The following CNTLN variants were observed in gnomAD, a reference collection of about 807,000 sequenced individuals.
CNTLN encodes the protein centlein, centrosomal protein.
CNTLN carries 212 observed loss-of-function variants against 180.0 expected under a neutral mutation model. That is an observed-to-expected ratio of 1.18 (90% CI 1.05 to 1.32). The LOEUF is 1.32. CNTLN is among the 40% of genes most tolerant of loss of function. The pLI is 0.00. For synonymous variants in CNTLN, 722 were observed against 563.1 expected (o/e 1.28, Z -3.99); for missense variants, 2,095 against 1,610.9 (o/e 1.30, Z -5.14).
rs753393494 is a variant in CNTLN, at chr9:17,409,331, C to A, written c.2654C>A (p.Thr885Lys). 4.3e-6 allele frequency: 7 copies of A among 1,612,792 alleles called. No individual in the cohort carries two copies. The Middle Eastern group carries it at 9.9e-4, about 228-fold the overall frequency. ...GCACAGACCTCTCAAACTTTGGGAA[C>A]AATTATTGTAGAAACATCCCAGAAA... The part of the protein sequence containing the change: ...SEAQTSQTLG[T>K]IIVETSQKIS... Residue 885 changes from threonine to lysine, a missense_variant, in exon 16 of 26, where the codon ACA becomes AAA. Transcript: ENST00000380647.
At chr9:17,421,311 A>G (rs1348514304) in intron 18 of CNTLN, among the ~76,000 whole-genome samples, 1 of 152,104 alleles carries the variant, frequency 6.6e-6, no homozygotes, top group Non-Finnish European at 1.5e-5. Context: ...CCCCTTTATC[A>G]TTATATAATG....
chr9:17,211,729 T>C (rs1359017104), intron 2 of CNTLN, among the ~76,000 whole-genome samples: 3 of 152,088 alleles, frequency 2.0e-5, no homozygotes, highest in Non-Finnish European at 4.4e-5. Context: ...CTTTTATTTT[T>C]TTGAGCAGTG....
chr9:17,417,394 A>G (rs1239320381), intron 18 of CNTLN, among the ~76,000 whole-genome samples: 1 of 152,002 alleles, frequency 6.6e-6, no homozygotes, highest in Non-Finnish European at 1.5e-5. Flanking sequence ...ATTATAAACT[A>G]TCTGTATTCC....
chr9:17,221,477 A>G (rs1211371437), intron 2 of CNTLN, among the ~76,000 whole-genome samples: 2 of 152,126 alleles, frequency 1.3e-5, no homozygotes, highest in African/African-American at 4.8e-5. Flanking sequence ...ACGTATGGTA[A>G]GTAGACAACA....
chr9:17,194,594 A>G (rs10962898), intron 2 of CNTLN, among the ~76,000 whole-genome samples: 50,573 of 151,962 alleles, frequency 0.33, 10,988 homozygotes, highest in African/African-American at 0.61. Flanking sequence ...CAGCATTTTG[A>G]TCAATGCCAT....
At chr9:17,246,274 C>T (rs74729391) in intron 5 of CNTLN, among the ~76,000 whole-genome samples, 2,739 of 152,254 alleles carry the variant, frequency 0.018, 94 homozygotes, top group African/African-American at 0.062. Flanking sequence ...CCGTAAGCCC[C>T]GTAACACTGT....
the CNTLN span, among the ~76,000 whole-genome samples, chr9:17,526,746 T>A: frequency 5.2e-5 from 2 of 38,406 alleles, no homozygotes; most frequent in Admixed American, 5.4e-4. Flanking sequence ...TGTAAAAAAA[T>A]TAATTAATTT....
intron 12 of CNTLN, among the ~76,000 whole-genome samples, chr9:17,347,157 T>C (rs1255369013): frequency 6.6e-6 from 1 of 152,248 alleles, no homozygotes; most frequent in African/African-American, 2.4e-5. Flanking sequence ...ATTTTAATCA[T>C]GGCTGGTTTA....
intron 11 of CNTLN, among the ~76,000 whole-genome samples, chr9:17,341,908 A>G (rs1019358401): frequency 6.6e-5 from 10 of 152,162 alleles, no homozygotes; most frequent in African/African-American, 2.4e-4. Context: ...ACTTTCTGAC[A>G]TATTCACTGG....
chr9:17,364,494 A>G (rs1259391844), intron 12 of CNTLN, among the ~76,000 whole-genome samples: 1 of 151,668 alleles, frequency 6.6e-6, no homozygotes, highest in Non-Finnish European at 1.5e-5. Flanking sequence ...TGTTTCATAA[A>G]CCCCTGTTCT....
intron 18 of CNTLN, among the ~76,000 whole-genome samples, chr9:17,427,151 C>T (rs1474633033): frequency 6.6e-6 from 1 of 152,130 alleles, no homozygotes; most frequent in Non-Finnish European, 1.5e-5. Context: ...CCTGCTCCCA[C>T]AATTCCTGAA....
At chr9:17,375,872 G>A (rs906359012) in intron 13 of CNTLN, among the ~76,000 whole-genome samples, 2 of 152,108 alleles carry the variant, frequency 1.3e-5, no homozygotes. Context: ...ACTATATTTC[G>A]TATATAACTT....
intron 13 of CNTLN, among the ~76,000 whole-genome samples, chr9:17,377,771 G>T (rs1209326175): frequency 1.3e-5 from 2 of 152,150 alleles, no homozygotes; most frequent in African/African-American, 4.8e-5. Flanking sequence ...GTGTTACAGA[G>T]AGGTGTCTGA....
At chr9:17,301,928 AATC>A in intron 7 of CNTLN, 1 of 928,104 alleles carries the variant, frequency 1.1e-6, no homozygotes, top group Non-Finnish European at 1.3e-6. Flanking sequence ...TATTTTAAAA[AATC>A]ATAACATATA....
At position 17,466,729 on chromosome 9, in the gene CNTLN, A is replaced by G. The variant is rs1319347268; in HGVS notation, c.3693A>G (p.Val1231=). 3.1e-6 allele frequency: 5 copies of G among 1,609,758 alleles called. No individual in the cohort carries two copies. The highest frequency in any genetic ancestry group is 1.1e-5 in the South Asian group (1 of 90,808). ...AGGATCTCAAGCTTACTCTCCTAGT[A>G]TCAAGAATAAGTGAGACTGAATCTG... ...EKKDLKLTLL[V]SRISETESAM... The change falls in exon 23 of 26, where the codon GTA becomes GTG. Residue 1231 remains valine, a synonymous_variant. Coordinates refer to ENST00000380647, the MANE Select transcript of CNTLN (RefSeq NM_017738.4).
At chr9:17,368,294 G>A (rs991233438) in intron 13 of CNTLN, among the ~76,000 whole-genome samples, 3 of 152,162 alleles carry the variant, frequency 2.0e-5, no homozygotes, top group Non-Finnish European at 4.4e-5. Context: ...GGGAAGGACT[G>A]TGTCTGGTGG....
intron 6 of CNTLN, among the ~76,000 whole-genome samples, chr9:17,282,578 T>C (rs1001901144): frequency 1.3e-5 from 2 of 152,202 alleles, no homozygotes; most frequent in African/African-American, 4.8e-5. Flanking sequence ...GTGCAGAAGC[T>C]CTTTAGTTTA....
At chr9:17,211,135 C>G (rs2131963884) in intron 2 of CNTLN, among the ~76,000 whole-genome samples, 1 of 152,276 alleles carries the variant, frequency 6.6e-6, no homozygotes, top group South Asian at 2.1e-4. Flanking sequence ...TTGCCCATGC[C>G]TATGTCCTGA....
intron 2 of CNTLN, among the ~76,000 whole-genome samples, chr9:17,152,985 C>A (rs548547812): frequency 6.6e-6 from 1 of 151,800 alleles, no homozygotes; most frequent in East Asian, 1.9e-4. Context: ...GCAACTCCTG[C>A]TTTTTTTTGC....
Sources: allele counts gnomAD v4.1 joint callset (sites outside exome capture counted in the v4.1 genomes callset), GRCh38; gene constraint gnomAD v4.1.1; transcripts MANE v1.5; gene names NCBI Gene and HGNC (gene_info 2026-07-23, HGNC 2026-07-21).